The following MDM2 variants were observed in gnomAD, a reference collection of about 807,000 sequenced individuals.
MDM2 encodes E3 ubiquitin-protein ligase Mdm2.
In MDM2, 11 loss-of-function variants were observed where a neutral mutation model predicts 64.3. The ratio of observed to expected loss-of-function variants is 0.17; its 90% CI spans 0.11 to 0.28. The LOEUF is 0.28. Among genes scored for constraint, MDM2 ranks in the 10% least tolerant of loss-of-function variants. The probability of loss-of-function intolerance (pLI) is 1.00; values close to 1 mark genes in which losing one functional copy is unlikely to be tolerated. For missense variants in MDM2, 388 were observed against 577.1 expected (o/e 0.67, Z 3.36); for synonymous variants, 194 against 192.9 (o/e 1.01, Z -0.05).
intron 8 of MDM2, among the ~76,000 whole-genome samples, chr12:68,831,476 T>C (rs966151859): frequency 1.3e-5 from 2 of 152,062 alleles, no homozygotes; most frequent in Admixed American, 1.3e-4. Context: ...CACACGGGGT[T>C]ATGTGGGGGC....
chr12:68,826,199 A>C (rs1244830926), intron 7 of MDM2, among the ~76,000 whole-genome samples: 1 of 152,136 alleles, frequency 6.6e-6, no homozygotes, highest in African/African-American at 2.4e-5. Context: ...AAAAAATGCC[A>C]AAAGGGTGTC....
At chr12:68,826,683 T>TA (rs897528343) in intron 7 of MDM2, among the ~76,000 whole-genome samples, 4 of 151,384 alleles carry the variant, frequency 2.6e-5, no homozygotes, top group Non-Finnish European at 4.4e-5. Flanking sequence ...AAAAAAGTCT[T>TA]AGAGTTCTTA....
intron 3 of MDM2, chr12:68,814,533 G>A (rs1881185235): frequency 6.1e-6 from 2 of 330,432 alleles, no homozygotes; most frequent in South Asian, 4.7e-5. Flanking sequence ...CTAGTTAGAA[G>A]TTTGTGAAAA....
chr12:68,847,501 C>T (rs1180217195), downstream of MDM2: 3 of 134,970 alleles, frequency 2.2e-5, no homozygotes, highest in Admixed American at 7.5e-5. Context: ...TAGCCCAGGC[C>T]GGATTGCAGT....
intron 4 of MDM2, among the ~76,000 whole-genome samples, chr12:68,819,031 C>G (rs1379684296): frequency 6.6e-6 from 1 of 152,112 alleles, no homozygotes; most frequent in Admixed American, 6.5e-5. Context: ...TGTGCCTGGT[C>G]TGAATATTGA....
downstream of MDM2, chr12:68,848,178 T>G (rs1454669089): frequency 6.6e-6 from 1 of 152,032 alleles, no homozygotes; most frequent in African/African-American, 2.4e-5. Flanking sequence ...TCTCACTGAT[T>G]GTGATTTTTT....
At chr12:68,839,021 G>A (rs1348240423) in intron 10 of MDM2, among the ~76,000 whole-genome samples, 2 of 152,178 alleles carry the variant, frequency 1.3e-5, no homozygotes, top group African/African-American at 4.8e-5. Flanking sequence ...CCATTATCTT[G>A]AATAGTTAAC....
chr12:68,844,439 C>T lies in MDM2; in HGVS notation c.*4590C>T, dbSNP rs1884087351. ...AAATGCTGTGTTCTCCCTGTCTTCT[C>T]TTAGGTCACATGGCAGCCTGGCCTA... On this transcript the variant is annotated 3_prime_UTR_variant, in exon 11 of 11. Transcript: ENST00000258149. 1.3e-5 allele frequency: 3 copies of T among 228,132 alleles called. No individual in the cohort carries two copies. In the East Asian group the frequency reaches 1.9e-4, roughly 14 times the overall value. 14.1% of individuals were successfully genotyped at this position (228,132 alleles called of 1,614,324 possible). A position where few individuals can be genotyped will look rare whatever the true frequency, so the allele number is the denominator to read the frequency against.
chr12:68,813,551 T>C lies in MDM2; in HGVS notation c.100-3T>C, dbSNP rs755813232. ...TATAATAGCAGTTCTTTTCTCTTTA[T>C]AGGTTAGACCAAAGCCATTGCTTTT... On this transcript the variant is annotated splice_region_variant and splice_polypyrimidine_tract_variant and intron_variant, in intron 2 of 10. Transcript: ENST00000258149. 3.1e-6 allele frequency: 5 copies of C among 1,609,806 alleles called. No individual in the cohort carries two copies. The highest frequency in any genetic ancestry group is 4.2e-6 in the Non-Finnish European group (5 of 1,176,790).
chr12:68,812,699 A>T (rs1663577), intron 2 of MDM2, among the ~76,000 whole-genome samples: 1 of 151,912 alleles, frequency 6.6e-6, no homozygotes, highest in Admixed American at 6.6e-5. Context: ...AACCTCTAGC[A>T]CTGTCTCCCA....
chr12:68,817,045 A>T, intron 4 of MDM2, 100 bp downstream of exon 4: 2 of 1,393,930 alleles, frequency 1.4e-6, no homozygotes, highest in Non-Finnish European at 9.7e-7. Flanking sequence ...CTGTTGAAAC[A>T]TATTAAAGAC....
At chr12:68,809,329 T>C (rs1343917087) in intron 2 of MDM2, 37 bp downstream of exon 2, 1 of 1,569,320 alleles carries the variant, frequency 6.4e-7, no homozygotes, top group Admixed American at 1.7e-5. Context: ...TTAAGAATAA[T>C]TTATTTTATG....
chr12:68,835,357 A>G (rs1041651885), intron 8 of MDM2, among the ~76,000 whole-genome samples: 1 of 152,214 alleles, frequency 6.6e-6, no homozygotes, highest in Non-Finnish European at 1.5e-5. Flanking sequence ...AGAGGGGGAA[A>G]GTGTGGAAGT....
downstream of MDM2, chr12:68,848,495 A>G (rs1884482196): frequency 1.3e-5 from 2 of 152,074 alleles, no homozygotes; most frequent in African/African-American, 2.4e-5. Flanking sequence ...TCCCCCCCCA[A>G]ATTATTGTTT....
intron 5 of MDM2, 35 bp from the exon 6 acceptor site, chr12:68,824,328 C>T: frequency 6.3e-7 from 1 of 1,583,942 alleles, no homozygotes; most frequent in Non-Finnish European, 8.7e-7. Flanking sequence ...CCCCCGCCCA[C>T]CACCAAGTTT....
At chr12:68,839,167 G>T in intron 10 of MDM2, 107 bp from the exon 11 acceptor site, 1 of 928,668 alleles carries the variant, frequency 1.1e-6, no homozygotes, top group Non-Finnish European at 1.6e-6. Context: ...ACTGAATATT[G>T]AGCCCTATGA....
In MDM2 at chr12:68,830,060, A is replaced by AT. The variant is rs138064988; in HGVS notation, c.684+1140dup. Among the ~76,000 whole-genome samples, 967 of 148,942 alleles carry AT rather than the reference A, an allele frequency of 6.5e-3. 5 individuals are homozygous for AT. The highest frequency in any genetic ancestry group is 0.019 in the South Asian group (89 of 4,708). On this transcript the variant is annotated intron_variant, in intron 8 of 10. Coordinates refer to ENST00000258149, the MANE Select transcript of MDM2 (RefSeq NM_002392.6). Reference sequence around the variant, plus strand: ...TCATAAACTTTCTTAAAATATTATGATTTTTTTTTTTACAATTTTTTTTCT... The same window carrying AT: ...TCATAAACTTTCTTAAAATATTATGATTTTTTTTTTTTACAATTTTTTTTCT...
In MDM2 at chr12:68,843,034, G is replaced by A. The variant is rs1397487300; in HGVS notation, c.*3185G>A. 7 of 215,302 alleles carry A rather than the reference G, an allele frequency of 3.3e-5. No individual in the cohort carries two copies. The East Asian group carries it at 4.8e-4, about 15-fold the overall frequency. The allele number at this position is 215,302 out of a possible 1,614,324, so 13.3% of individuals were successfully genotyped here. ...TGGTAGAACAAGCTTTATTTTTCGA[G>A]CCTAGCAATGATCTAGAAGCAGATG... On this transcript the variant is annotated 3_prime_UTR_variant, in exon 11 of 11. Transcript: ENST00000258149.
At chr12:68,818,569 ATATAAT>A (rs1443278611) in intron 4 of MDM2, among the ~76,000 whole-genome samples, 4 of 148,126 alleles carry the variant, frequency 2.7e-5, no homozygotes, top group Non-Finnish European at 4.5e-5. Flanking sequence ...TATACATATA[ATATAAT>A]TATATATATT....
Sources: allele counts gnomAD v4.1 joint callset (sites outside exome capture counted in the v4.1 genomes callset), GRCh38; gene constraint gnomAD v4.1.1; transcripts MANE v1.5; gene names NCBI Gene and HGNC (gene_info 2026-07-23, HGNC 2026-07-21).